Variants in STARD6 observed in about 807,000 individuals in gnomAD.
STARD6 encodes the protein StAR related lipid transfer domain containing 6.
STARD6 carries 21 observed loss-of-function variants against 22.3 expected under a neutral mutation model. That is an observed-to-expected ratio of 0.94 (90% CI 0.67 to 1.35). The LOEUF (loss-of-function observed/expected upper bound fraction) is 1.35, where lower values mean the gene tolerates loss of function less well. STARD6 is among the 40% of genes most tolerant of loss of function. The probability of loss-of-function intolerance (pLI) is 0.00; values close to 1 mark genes in which losing one functional copy is unlikely to be tolerated. For missense variants in STARD6, 269 were observed against 266.9 expected (o/e 1.01, Z -0.05); for synonymous variants, 80 against 88.1 (o/e 0.91, Z 0.52).
rs533884806 is a variant in STARD6, at chr18:54,353,984, C to G, written c.140+70G>C. 6 of 868,858 alleles carry G rather than the reference C, an allele frequency of 6.9e-6. No homozygotes were observed. In the East Asian group the frequency reaches 1.6e-4, roughly 23 times the overall value. 53.8% of individuals were successfully genotyped at this position (868,858 alleles called of 1,614,324 possible). A position where few individuals can be genotyped will look rare whatever the true frequency, so the allele number is the denominator to read the frequency against. ...TAATTTATTATAGCTAATGAAGCAG[C>G]ACTGAAATTCCAGATACATCAATGG... On this transcript the variant is annotated intron_variant, in intron 4 of 7. Coordinates refer to ENST00000307844, the MANE Select transcript of STARD6 (RefSeq NM_139171.2).
At chr18:54,343,436 C>A (rs1279101634) in intron 4 of STARD6, among the ~76,000 whole-genome samples, 1 of 133,892 alleles carries the variant, frequency 7.5e-6, no homozygotes, top group African/African-American at 2.9e-5. Flanking sequence ...CAGCCCCCTG[C>A]CCGGCCAGCC....
intron 7 of STARD6, 70 bp downstream of exon 7, chr18:54,329,277 C>A: frequency 1.6e-6 from 2 of 1,254,404 alleles, no homozygotes; most frequent in Non-Finnish European, 1.1e-6. Flanking sequence ...GATGAGCCAG[C>A]AATCTTAAAC....
intron 4 of STARD6, among the ~76,000 whole-genome samples, chr18:54,351,519 G>A (rs575535359): frequency 4.6e-5 from 7 of 152,222 alleles, no homozygotes; most frequent in South Asian, 2.1e-4. Flanking sequence ...TCCTTTTCCC[G>A]TTCCAGTTTT....
At position 54,337,132 on chromosome 18, in the gene STARD6, A is replaced by G; in HGVS notation, c.260T>C (p.Ile87Thr). ...SLQVYNMVHRIDSDTFICHTI... is the reference protein window; with the variant it reads ...SLQVYNMVHRTDSDTFICHTI... Reference sequence around the variant, plus strand: ...TATTAAACAACAAATTACCGAATCAATCCTGTGTACCATATTATACACTTG... The same window carrying G: ...TATTAAACAACAAATTACCGAATCAGTCCTGTGTACCATATTATACACTTG... The change falls in exon 5 of 8, where the codon ATT (isoleucine) becomes ACT (threonine). Residue 87 changes from isoleucine (I) to threonine (T), a missense_variant. Coordinates refer to ENST00000307844, the MANE Select transcript of STARD6 (RefSeq NM_139171.2). 1 of 1,609,394 alleles carries G rather than the reference A, an allele frequency of 6.2e-7. No individual in the cohort carries two copies. The highest frequency in any genetic ancestry group is 8.5e-7 in the Non-Finnish European group (1 of 1,178,138).
intron 5 of STARD6, among the ~76,000 whole-genome samples, chr18:54,335,704 T>C (rs914389866): frequency 6.6e-6 from 1 of 152,128 alleles, no homozygotes; most frequent in African/African-American, 2.4e-5. Context: ...GCTGTTCTCA[T>C]GATAGTGAGT....
chr18:54,329,853 C>G (rs1352253446), intron 6 of STARD6, among the ~76,000 whole-genome samples: 6 of 151,168 alleles, frequency 4.0e-5, no homozygotes, highest in Non-Finnish European at 7.4e-5. Flanking sequence ...GTCCTGGGTT[C>G]ATAGATTTTT....
At chr18:54,335,860 C>T (rs1287621302) in intron 5 of STARD6, among the ~76,000 whole-genome samples, 1 of 152,176 alleles carries the variant, frequency 6.6e-6, no homozygotes, top group Admixed American at 6.5e-5. Flanking sequence ...CTGTAAATTT[C>T]CTGAGGCCTC....
chr18:54,330,566 C>CA (rs2088857683), intron 6 of STARD6, among the ~76,000 whole-genome samples: 1 of 151,696 alleles, frequency 6.6e-6, no homozygotes, highest in African/African-American at 2.4e-5. Context: ...ATAATGCAAG[C>CA]AAAATATTTA....
intron 5 of STARD6, among the ~76,000 whole-genome samples, chr18:54,336,243 A>G (rs947954209): frequency 6.6e-6 from 1 of 152,036 alleles, no homozygotes. Context: ...CTTCTATATA[A>G]TGTTATTTCC....
At chr18:54,332,124 A>C (rs1230777830) in intron 5 of STARD6, among the ~76,000 whole-genome samples, 1 of 152,192 alleles carries the variant, frequency 6.6e-6, no homozygotes, top group Non-Finnish European at 1.5e-5. Flanking sequence ...TAACAGATTA[A>C]ATCACATTCA....
rs2088920211 is a variant in STARD6 at position 54,336,986 on chromosome 18, T to C, written c.267+139A>G. On this transcript the variant is annotated intron_variant, in intron 5 of 7. Transcript: ENST00000307844. ...AAACTGTTGGAAAGTAGGGAAGTTT[T>C]AAAGCTTTTATAAAGACTTCAAGTC... The C allele has an allele frequency of 1.4e-5, 10 of 730,762 alleles. No individual in the cohort carries two copies. The South Asian group carries it at 1.8e-4, about 13-fold the overall frequency. 45.3% of individuals were successfully genotyped at this position (730,762 alleles called of 1,614,324 possible).
chr18:54,357,406 G>A (rs2089161755), intron 1 of STARD6, among the ~76,000 whole-genome samples: 4 of 152,150 alleles, frequency 2.6e-5, no homozygotes. Flanking sequence ...TCTGCTTTGT[G>A]TGTGAGAGGC....
chr18:54,331,794 A>G lies in STARD6; in HGVS notation c.333T>C (p.Phe111=), dbSNP rs539309735. ...FAVGSISPRD[F]IDLVYIKRYE... ...AGCGCTTGATGTACACTAAGTCGAT[A>G]AAGTCTCGAGGGGAAATGGAGCCCA... Residue 111 remains phenylalanine, a synonymous_variant, in exon 6 of 8, where the codon TTT becomes TTC. Transcript: ENST00000307844. The G allele has an allele frequency of 3.1e-6, 5 of 1,613,508 alleles. No individual in the cohort carries two copies. The African/African-American group carries it at 4.0e-5, about 13-fold the overall frequency.
At chr18:54,331,921 T>C in intron 5 of STARD6, 62 bp from the exon 6 acceptor site, 4 of 1,226,796 alleles carry the variant, frequency 3.3e-6, no homozygotes, top group Admixed American at 4.1e-5. Flanking sequence ...TTGTATTGTT[T>C]CCCCCCCAAA....
At chr18:54,337,551 C>T (rs1038431648) in intron 4 of STARD6, among the ~76,000 whole-genome samples, 1 of 152,138 alleles carries the variant, frequency 6.6e-6, no homozygotes, top group Non-Finnish European at 1.5e-5. Context: ...TGGGTTGGCA[C>T]CCCTAACTCC....
At chr18:54,342,279 C>T (rs749189095) in intron 4 of STARD6, among the ~76,000 whole-genome samples, 13 of 152,174 alleles carry the variant, frequency 8.5e-5, no homozygotes, top group South Asian at 2.1e-4. Flanking sequence ...ATGGCTTCAC[C>T]GGTGAATCTG....
At position 54,341,375 on chromosome 18, in the gene STARD6, A is replaced by T. The variant is rs998894479; in HGVS notation, c.141-4124T>A. On this transcript the variant is annotated intron_variant, in intron 4 of 7. Coordinates refer to ENST00000307844, the MANE Select transcript of STARD6 (RefSeq NM_139171.2). ...TGCCCGGCCCACGTCATTTTCAATA[A>T]TGAATGAAACAATCAGAAGAAAATC... Among the ~76,000 whole-genome samples, 5 of 152,290 alleles carry T rather than the reference A, an allele frequency of 3.3e-5. No homozygotes were observed. The Middle Eastern group carries it at 0.01, about 311-fold the overall frequency.
intron 4 of STARD6, among the ~76,000 whole-genome samples, chr18:54,350,601 T>A (rs1333288532): frequency 2.0e-5 from 3 of 152,166 alleles, no homozygotes; most frequent in Non-Finnish European, 4.4e-5. Flanking sequence ...TTTTCTAGAG[T>A]TTTTATGGTT....
At chr18:54,337,025 A>T in intron 5 of STARD6, 100 bp downstream of exon 5, 4 of 1,102,976 alleles carry the variant, frequency 3.6e-6, no homozygotes, top group Non-Finnish European at 5.0e-6. Flanking sequence ...TTGAAACTAT[A>T]AAATACTGTG....
Sources: gnomAD v4.1 joint callset for allele counts (sites outside exome capture counted in the v4.1 genomes callset) on GRCh38, gnomAD v4.1.1 for gene constraint, MANE v1.5 for transcripts, NCBI Gene and HGNC (gene_info 2026-07-23, HGNC 2026-07-21) for gene names.